KCNB2: variants seen among roughly 807,000 people sequenced by gnomAD.
The protein encoded by KCNB2 is delayed rectifier potassium channel protein.
Under a neutral mutation model 61.5 loss-of-function variants are expected in KCNB2, and 15 were observed. That is an observed-to-expected ratio of 0.24 (90% confidence interval 0.16 to 0.38). The LOEUF (loss-of-function observed/expected upper bound fraction) is 0.38. KCNB2 is among the 10% of genes least tolerant of loss of function. KCNB2 has a pLI of 1.00. For missense variants in KCNB2, 828 were observed against 1,125.2 expected (o/e 0.74, Z 3.78); for synonymous variants, 457 against 446.0 (o/e 1.02, Z -0.31).
Position 72,725,583 on chromosome 8 carries a change from A to G in KCNB2, c.579+157270A>G, listed in dbSNP as rs1190993529. Among the ~76,000 whole-genome samples the G allele has an allele frequency of 2.3e-3, 194 of 83,156 alleles. 2 individuals are homozygous for G. The highest frequency in any genetic ancestry group is 9.7e-3 in the African/African-American group (183 of 18,782). The allele number at this position is 83,156 out of a possible 152,430, so 54.6% of individuals were successfully genotyped here. A position where few individuals can be genotyped will look rare whatever the true frequency, so the allele number is the denominator to read the frequency against. On this transcript the variant is annotated intron_variant, in intron 2 of 2. Coordinates refer to ENST00000523207, the MANE Select transcript of KCNB2 (RefSeq NM_004770.3). ...TATATATGTATATATATGTATATAT[A>G]TATGTATGTATATATATATATATAT...
At chr8:72,840,416 G>T (rs1021153792) in intron 2 of KCNB2, among the ~76,000 whole-genome samples, 1 of 152,162 alleles carries the variant, frequency 6.6e-6, no homozygotes, top group African/African-American at 2.4e-5. Context: ...AATCCTTCAG[G>T]TATATACCCA....
intron 2 of KCNB2, among the ~76,000 whole-genome samples, chr8:72,925,358 G>A (rs1806619954): frequency 6.6e-6 from 1 of 152,152 alleles, no homozygotes; most frequent in Middle Eastern, 3.2e-3. Flanking sequence ...ATGCTTTCAG[G>A]GGACAGCTAG....
intron 1 of KCNB2, among the ~76,000 whole-genome samples, chr8:72,565,141 G>GTATA (rs71566822): frequency 1.9e-3 from 290 of 149,464 alleles, no homozygotes; most frequent in Middle Eastern, 0.01. Context: ...AAATGTGTGT[G>GTATA]TATATATATA....
intron 2 of KCNB2, among the ~76,000 whole-genome samples, chr8:72,807,178 T>C (rs1809239055): frequency 1.3e-5 from 2 of 152,234 alleles, no homozygotes. Context: ...GGAAGATATA[T>C]GGCTGTTTTT....
chr8:72,580,098 G>A (rs1193859473), intron 2 of KCNB2, among the ~76,000 whole-genome samples: 3 of 152,118 alleles, frequency 2.0e-5, no homozygotes, highest in Non-Finnish European at 4.4e-5. Flanking sequence ...ACTATTTTCT[G>A]CTCCATGGGC....
In KCNB2 at chr8:72,696,845, T is replaced by A. The variant is rs1585836055; in HGVS notation, c.579+128532T>A. Among the ~76,000 whole-genome samples the A allele has an allele frequency of 1.3e-5, 2 of 152,242 alleles. 1 individual carries two copies. Among genetic ancestry groups the A allele is most frequent in the South Asian group, 4.1e-4 (2 of 4,838 alleles). On this transcript the variant is annotated intron_variant, in intron 2 of 2. Transcript: ENST00000523207. ...TCTATGGAGAAGGGTGTATTTTTTC[T>A]ATATGCTAGTCTTTCTATGGGAAAG... is the stretch of plus-strand genomic sequence containing the variant.
intron 2 of KCNB2, among the ~76,000 whole-genome samples, chr8:72,709,813 A>T (rs1807295570): frequency 6.6e-6 from 1 of 152,100 alleles, no homozygotes; most frequent in South Asian, 2.1e-4. Flanking sequence ...GCAGTCTCCA[A>T]GCTTTCTTGT....
intron 1 of KCNB2, among the ~76,000 whole-genome samples, chr8:72,562,675 A>G (rs560036727): frequency 1.3e-5 from 2 of 152,226 alleles, no homozygotes; most frequent in Non-Finnish European, 2.9e-5. Flanking sequence ...ATGTTTATAA[A>G]TTATTCACAG....
chr8:72,820,787 C>T (rs763862223), intron 2 of KCNB2, among the ~76,000 whole-genome samples: 3 of 152,118 alleles, frequency 2.0e-5, no homozygotes, highest in Non-Finnish European at 2.9e-5. Flanking sequence ...TCTGTCAGAT[C>T]ATTTTATAAT....
chr8:72,732,504 T>A (rs1450318404), intron 2 of KCNB2, among the ~76,000 whole-genome samples: 1 of 152,232 alleles, frequency 6.6e-6, no homozygotes, highest in Non-Finnish European at 1.5e-5. Flanking sequence ...CAAGAATATG[T>A]GACTAACAGA....
Position 72,916,943 on chromosome 8 carries a change from G to A in KCNB2, c.580-18992G>A, listed in dbSNP as rs556014536. ...GAGCCTGGCATTTTTATGGGCACAC[G>A]ATGGGAGATGGGGCAGACCATGGGT... On this transcript the variant is annotated intron_variant, in intron 2 of 2. Transcript: ENST00000523207. Among the ~76,000 whole-genome samples the A allele has an allele frequency of 2.6e-5, 4 of 152,262 alleles. No individual in the cohort carries two copies. The South Asian group carries it at 6.2e-4, about 24-fold the overall frequency.
At chr8:72,894,162 G>A (rs548011055) in intron 2 of KCNB2, among the ~76,000 whole-genome samples, 2 of 152,300 alleles carry the variant, frequency 1.3e-5, no homozygotes, top group South Asian at 2.1e-4. Context: ...ATGACAAGGA[G>A]GAGCCAGCAA....
At chr8:72,580,819 A>G (rs923468528) in intron 2 of KCNB2, among the ~76,000 whole-genome samples, 1 of 152,090 alleles carries the variant, frequency 6.6e-6, no homozygotes, top group Non-Finnish European at 1.5e-5. Flanking sequence ...TGAACTGGGC[A>G]TTTTCATTTC....
At chr8:72,577,620 C>G (rs1806819058) in intron 2 of KCNB2, among the ~76,000 whole-genome samples, 1 of 152,152 alleles carries the variant, frequency 6.6e-6, no homozygotes, top group East Asian at 1.9e-4. Flanking sequence ...TGCTAGAGGT[C>G]ATTGCCACCC....
chr8:72,914,587 A>C (rs1806357975), intron 2 of KCNB2, among the ~76,000 whole-genome samples: 1 of 152,194 alleles, frequency 6.6e-6, no homozygotes, highest in South Asian at 2.1e-4. Context: ...TGCATATCTG[A>C]AAGTGCAACT....
chr8:72,902,314 A>G (rs1263025007), intron 2 of KCNB2, among the ~76,000 whole-genome samples: 1 of 152,150 alleles, frequency 6.6e-6, no homozygotes, highest in African/African-American at 2.4e-5. Flanking sequence ...AGCCAAAGAT[A>G]GGTGTTGTGG....
chr8:72,666,652 GTT>G (rs35646824), intron 2 of KCNB2, among the ~76,000 whole-genome samples: 560 of 119,224 alleles, frequency 4.7e-3, no homozygotes, highest in African/African-American at 0.014. Context: ...AAAATAAAAA[GTT>G]TTTTTTTTTT....
intron 2 of KCNB2, among the ~76,000 whole-genome samples, chr8:72,628,398 GGGGTGTGTGTGTGT>G (rs202003556): frequency 2.0e-4 from 3 of 14,822 alleles, no homozygotes; most frequent in South Asian, 2.8e-3. Flanking sequence ...CTCCTGTTAG[GGGGTGTGTGTGTGT>G]GTGTGTGTGT....
chr8:72,561,585 A>C (rs1036530135), intron 1 of KCNB2, among the ~76,000 whole-genome samples: 1 of 149,398 alleles, frequency 6.7e-6, no homozygotes, highest in Non-Finnish European at 1.5e-5. Flanking sequence ...AAAAAATAAT[A>C]AGCAGTATGA....
Sources: allele counts gnomAD v4.1 joint callset (sites outside exome capture counted in the v4.1 genomes callset), GRCh38; gene constraint gnomAD v4.1.1; transcripts MANE v1.5; gene names NCBI Gene and HGNC (gene_info 2026-07-23, HGNC 2026-07-21).